Variants in FHIT observed in about 807,000 individuals in gnomAD.
The protein encoded by FHIT is bis(5'-adenosyl)-triphosphatase.
A neutral mutation model predicts 17.9 loss-of-function variants in FHIT; 19 were observed. The observed-to-expected ratio is 1.06, with a 90% CI of 0.74 to 1.56. The LOEUF (loss-of-function observed/expected upper bound fraction) is 1.56, where lower values mean the gene tolerates loss of function less well. FHIT is among the 40% of genes most tolerant of loss of function. The pLI is 0.00. For missense variants in FHIT, 248 were observed against 189.2 expected (o/e 1.31, Z -1.82); for synonymous variants, 81 against 69.7 (o/e 1.16, Z -0.81).
intron 4 of FHIT, among the ~76,000 whole-genome samples, chr3:60,726,894 G>C (rs1559674105): frequency 6.6e-6 from 1 of 152,146 alleles, no homozygotes; most frequent in Non-Finnish European, 1.5e-5. Context: ...CAGAATAGAA[G>C]CAAATAGACA....
At chr3:59,935,765 G>A (rs1466124338) in intron 7 of FHIT, among the ~76,000 whole-genome samples, 2 of 152,138 alleles carry the variant, frequency 1.3e-5, no homozygotes, top group East Asian at 3.9e-4. Flanking sequence ...ACAGATAGGT[G>A]CATGGATGGA....
intron 3 of FHIT, among the ~76,000 whole-genome samples, chr3:60,943,271 T>G (rs1708496426): frequency 6.6e-6 from 1 of 152,210 alleles, no homozygotes; most frequent in East Asian, 1.9e-4. Flanking sequence ...ATTTTTACTT[T>G]CTATATTTTT....
intron 2 of FHIT, among the ~76,000 whole-genome samples, chr3:61,130,352 T>C (rs1303075481): frequency 1.3e-5 from 2 of 152,344 alleles, no homozygotes; most frequent in East Asian, 3.9e-4. Flanking sequence ...GATTTCCCTA[T>C]ACTAAGATCT....
intron 5 of FHIT, among the ~76,000 whole-genome samples, chr3:60,042,678 C>A (rs1375119603): frequency 6.6e-6 from 1 of 152,080 alleles, no homozygotes; most frequent in Non-Finnish European, 1.5e-5. Context: ...TAAAGGCCGT[C>A]TCCAGATACA....
rs535290459 is a variant in FHIT, at chr3:60,549,877, C to T, written c.-17-12898G>A. 2.0e-5 allele frequency among the ~76,000 whole-genome samples: 3 copies of T among 152,234 alleles called. No individual in the cohort carries two copies. The South Asian group carries it at 6.2e-4, about 32-fold the overall frequency. On this transcript the variant is annotated intron_variant, in intron 4 of 9. Coordinates refer to ENST00000492590, the MANE Select transcript of FHIT (RefSeq NM_002012.4). ...CATTATGGCCAGGAATATTAAGGTTCACTGTAAAAAATAATCTGCTATTTT... is the reference window on the plus strand; with the variant it reads ...CATTATGGCCAGGAATATTAAGGTTTACTGTAAAAAATAATCTGCTATTTT...
chr3:60,569,749 A>ATTTTTTTTTT (rs1553654729), intron 4 of FHIT, among the ~76,000 whole-genome samples: 1 of 62,786 alleles, frequency 1.6e-5, no homozygotes, highest in African/African-American at 6.2e-5. Context: ...ATATATATAT[A>ATTTTTTTTTT]TATATATTTT....
chr3:60,795,177 T>C (rs1210013370), intron 4 of FHIT, among the ~76,000 whole-genome samples: 7 of 152,326 alleles, frequency 4.6e-5, no homozygotes, highest in Non-Finnish European at 1.0e-4. Flanking sequence ...ACATCCTATC[T>C]GATGACTTCA....
At chr3:59,828,356 T>C (rs1437301266) in intron 8 of FHIT, among the ~76,000 whole-genome samples, 1 of 152,240 alleles carries the variant, frequency 6.6e-6, no homozygotes, top group Admixed American at 6.5e-5. Flanking sequence ...GAATGAAAGT[T>C]ACTGTGTTGC....
At chr3:59,986,361 G>C (rs1708901214) in intron 7 of FHIT, among the ~76,000 whole-genome samples, 1 of 150,750 alleles carries the variant, frequency 6.6e-6, no homozygotes, top group African/African-American at 2.4e-5. Flanking sequence ...TCCAAATACT[G>C]TCTTTTCTCC....
intron 2 of FHIT, among the ~76,000 whole-genome samples, chr3:61,162,376 C>G (rs2037722242): frequency 6.6e-6 from 1 of 152,106 alleles, no homozygotes; most frequent in African/African-American, 2.4e-5. Context: ...AAAAGGTAGT[C>G]ATAGGCCATC....
intron 1 of FHIT, among the ~76,000 whole-genome samples, chr3:61,212,481 T>C (rs1163754671): frequency 6.6e-6 from 1 of 152,146 alleles, no homozygotes. Context: ...AAACAAAGCC[T>C]CCAAGAAATA....
chr3:59,947,751 C>G (rs1462813782), intron 7 of FHIT, among the ~76,000 whole-genome samples: 1 of 152,196 alleles, frequency 6.6e-6, no homozygotes, highest in African/African-American at 2.4e-5. Context: ...GGAAACAACA[C>G]TCTGACAGAG....
intron 8 of FHIT, among the ~76,000 whole-genome samples, chr3:59,840,393 T>TAAA (rs5849304): frequency 4.3e-5 from 6 of 139,702 alleles, no homozygotes; most frequent in East Asian, 2.1e-4. Flanking sequence ...TATCCCCCTT[T>TAAA]AAAAAAAAAA....
intron 8 of FHIT, among the ~76,000 whole-genome samples, chr3:59,900,677 G>A (rs1450036981): frequency 2.0e-5 from 3 of 152,044 alleles, no homozygotes; most frequent in East Asian, 1.9e-4. Flanking sequence ...GCAGTGGTGC[G>A]ATCTCAGCTC....
chr3:60,895,816 C>T (rs1553761810), intron 3 of FHIT, among the ~76,000 whole-genome samples: 1 of 94,904 alleles, frequency 1.1e-5, no homozygotes, highest in Non-Finnish European at 2.5e-5. Flanking sequence ...CAGACAGGTC[C>T]TCATTTTTTT....
At chr3:59,881,014 A>C (rs1703387399) in intron 8 of FHIT, among the ~76,000 whole-genome samples, 1 of 152,200 alleles carries the variant, frequency 6.6e-6, no homozygotes. Flanking sequence ...ACAGCACTTG[A>C]AAGTGAAAGA....
rs1000530615 is a variant in FHIT at position 60,711,209 on chromosome 3, G to C, written c.-18+110710C>G. Among the ~76,000 whole-genome samples, 4 of 152,126 alleles carry C rather than the reference G, an allele frequency of 2.6e-5. No homozygotes were observed. In the East Asian group the frequency reaches 7.7e-4, roughly 29 times the overall value. ...GCAACTCCAACAGACCTGCAGCTGA[G>C]GGTCCTGTCTGTTAGAAGGAAAACT... On this transcript the variant is annotated intron_variant, in intron 4 of 9. Coordinates refer to ENST00000492590, the MANE Select transcript of FHIT (RefSeq NM_002012.4).
chr3:60,592,931 T>G (rs1186395510), intron 4 of FHIT, among the ~76,000 whole-genome samples: 1 of 152,134 alleles, frequency 6.6e-6, no homozygotes, highest in African/African-American at 2.4e-5. Context: ...TAGCACTGTC[T>G]TGATGGTTAT....
At chr3:60,927,993 A>C (rs548229265) in intron 3 of FHIT, among the ~76,000 whole-genome samples, 3 of 152,320 alleles carry the variant, frequency 2.0e-5, no homozygotes, top group Non-Finnish European at 4.4e-5. Context: ...GGATGCTGTT[A>C]ATCTATAACA....
Sources: allele counts gnomAD v4.1 joint callset (sites outside exome capture counted in the v4.1 genomes callset), GRCh38; gene constraint gnomAD v4.1.1; transcripts MANE v1.5; gene names NCBI Gene and HGNC (gene_info 2026-07-23, HGNC 2026-07-21).